Variants in CBLN2 observed in about 807,000 individuals in gnomAD.
The protein encoded by CBLN2 is cerebellin 2 precursor, also known as cerebellin-2.
CBLN2 carries 7 observed loss-of-function variants against 15.0 expected under a neutral mutation model. That is an observed-to-expected ratio of 0.47 (90% CI 0.27 to 0.88). CBLN2 has a LOEUF of 0.88. Ranked by LOEUF, CBLN2 falls within the 40% of genes least tolerant of loss-of-function variation. The pLI is 0.14. For synonymous variants in CBLN2, 149 were observed against 135.2 expected (o/e 1.10, Z -0.71); for missense variants, 242 against 304.5 (o/e 0.79, Z 1.53).
At position 72,543,171 on chromosome 18, in the gene CBLN2, C is replaced by A. The variant is rs1281455857; in HGVS notation, c.-167+315G>T. 5 of 261,922 alleles carry A rather than the reference C, an allele frequency of 1.9e-5. No homozygotes were observed. Among genetic ancestry groups the A allele is most frequent in the Admixed American group, 5.5e-5 (1 of 18,332 alleles). 16.2% of individuals were successfully genotyped at this position (261,922 alleles called of 1,614,324 possible). On this transcript the variant is annotated intron_variant, in intron 2 of 4. Coordinates refer to ENST00000269503, the MANE Select transcript of CBLN2 (RefSeq NM_182511.4). This position sits in a 1 kb window ranked among gnomAD's most constrained non-coding sequence, Gnocchi z 6.8. ...CCCTGCAGGTTTCTGCGAACTTACG[C>A]GCCCGTCTGCACTTTTGCCCCGTCC...
chr18:72,541,888 G>A lies in CBLN2; in HGVS notation c.273C>T (p.Ala91=). Reference sequence around the variant, plus strand: ...TCCGCGTGGCGGAGAAGGCCACCTTGGCGCTGCCGGAGCGCACGGAGATGC... The same window carrying A: ...TCCGCGTGGCGGAGAAGGCCACCTTAGCGCTGCCGGAGCGCACGGAGATGC... ...SLGISVRSGS[A]KVAFSATRST... Residue 91 remains alanine (A), a synonymous_variant, in exon 3 of 5, where the codon GCC becomes GCT. Coordinates refer to ENST00000269503, the MANE Select transcript of CBLN2 (RefSeq NM_182511.4). 1 of 1,607,226 alleles carries A rather than the reference G, an allele frequency of 6.2e-7. No homozygotes were observed.
intron 1 of CBLN2, among the ~76,000 whole-genome samples, chr18:72,567,723 C>T (rs9964576): frequency 0.059 from 9,031 of 152,130 alleles, 948 homozygotes; most frequent in East Asian, 0.51. Context: ...GATTACTCTC[C>T]GAACTCCAAA....
At chr18:72,614,581 C>T (rs1290853460) in intron 1 of CBLN2, among the ~76,000 whole-genome samples, 1 of 152,068 alleles carries the variant, frequency 6.6e-6, no homozygotes, top group Non-Finnish European at 1.5e-5. Context: ...AGACTTATTT[C>T]TAAGTACAAT....
chr18:72,604,072 C>T (rs990362635), intron 1 of CBLN2, among the ~76,000 whole-genome samples: 1 of 152,148 alleles, frequency 6.6e-6, no homozygotes, highest in African/African-American at 2.4e-5. Flanking sequence ...GTCTAGGAGA[C>T]AGTACTTCTC....
intron 1 of CBLN2, among the ~76,000 whole-genome samples, chr18:72,609,938 C>G (rs2069610480): frequency 6.6e-6 from 1 of 152,138 alleles, no homozygotes; most frequent in African/African-American, 2.4e-5. Context: ...GGTTGTCCTG[C>G]CACCTCTACG....
At chr18:72,608,254 T>C (rs1312583170) in intron 1 of CBLN2, among the ~76,000 whole-genome samples, 1 of 152,198 alleles carries the variant, frequency 6.6e-6, no homozygotes, top group African/African-American at 2.4e-5. Flanking sequence ...TACATTTCTG[T>C]TTTAGCCTCT....
chr18:72,564,969 G>C (rs1438669796), intron 1 of CBLN2, among the ~76,000 whole-genome samples: 6 of 152,314 alleles, frequency 3.9e-5, no homozygotes, highest in Admixed American at 1.3e-4. Flanking sequence ...AGCAGGAGCA[G>C]TTAGGAGAGA....
At chr18:72,637,156 C>A (rs1162719178) in intron 1 of CBLN2, among the ~76,000 whole-genome samples, 1 of 151,646 alleles carries the variant, frequency 6.6e-6, no homozygotes, top group Non-Finnish European at 1.5e-5. Context: ...AACTTAGCAA[C>A]TCTGAGAAAC....
intron 1 of CBLN2, among the ~76,000 whole-genome samples, chr18:72,576,885 A>G (rs1408772566): frequency 6.7e-6 from 1 of 148,886 alleles, no homozygotes; most frequent in Non-Finnish European, 1.5e-5. Context: ...TGACAAATAT[A>G]TATATAAAAT....
chr18:72,607,980 A>C (rs866501283), intron 1 of CBLN2, among the ~76,000 whole-genome samples: 4 of 152,204 alleles, frequency 2.6e-5, no homozygotes, highest in African/African-American at 9.7e-5. Context: ...ATTTAAAGGC[A>C]TATTACCTGA....
intron 1 of CBLN2, among the ~76,000 whole-genome samples, chr18:72,625,678 T>G (rs1038431127): frequency 8.1e-6 from 1 of 124,130 alleles, no homozygotes; most frequent in Non-Finnish European, 1.6e-5. Context: ...ATTATTATAG[T>G]ATTATTATAT....
exon 1 of CBLN2, chr18:72,638,346 A>G (rs1404047755): frequency 1.0e-5 from 4 of 398,412 alleles, no homozygotes; most frequent in Non-Finnish European, 1.8e-5. Flanking sequence ...CCATTCCAGT[A>G]CTCACAGAAA....
At chr18:72,608,252 T>C (rs2069597173) in intron 1 of CBLN2, among the ~76,000 whole-genome samples, 1 of 152,220 alleles carries the variant, frequency 6.6e-6, no homozygotes, top group Non-Finnish European at 1.5e-5. Context: ...TGTACATTTC[T>C]GTTTTAGCCT....
intron 1 of CBLN2, among the ~76,000 whole-genome samples, chr18:72,568,359 A>T (rs1229812904): frequency 3.3e-5 from 5 of 152,206 alleles, no homozygotes; most frequent in Non-Finnish European, 7.3e-5. Context: ...GCCGAGAAGC[A>T]TCATCAGCCA....
At chr18:72,540,058 C>A (rs1217806266) in intron 3 of CBLN2, 1 of 152,214 alleles carries the variant, frequency 6.6e-6, no homozygotes, top group African/African-American at 2.4e-5. Flanking sequence ...CAGCTCCACT[C>A]AAGGGCAGGA....
intron 1 of CBLN2, among the ~76,000 whole-genome samples, chr18:72,599,932 G>GC (rs1361182333): frequency 6.6e-6 from 1 of 152,190 alleles, no homozygotes; most frequent in Non-Finnish European, 1.5e-5. Flanking sequence ...GACTGAGTGA[G>GC]CTGGGATTCT....
At chr18:72,595,351 G>T (rs1308906935) in intron 1 of CBLN2, among the ~76,000 whole-genome samples, 1 of 151,862 alleles carries the variant, frequency 6.6e-6, no homozygotes. Flanking sequence ...AACTCCTCTT[G>T]TTATTGATTT....
intron 1 of CBLN2, among the ~76,000 whole-genome samples, chr18:72,627,020 ATTTT>A (rs2069744265): frequency 6.6e-6 from 1 of 152,154 alleles, no homozygotes; most frequent in African/African-American, 2.4e-5. Flanking sequence ...ACTCAACGTT[ATTTT>A]TGTGAGACAT....
intron 1 of CBLN2, among the ~76,000 whole-genome samples, chr18:72,613,608 T>G (rs1599023457): frequency 6.6e-6 from 1 of 152,008 alleles, no homozygotes; most frequent in South Asian, 2.1e-4. Context: ...AATGCTGGGG[T>G]CAGAAGGAGG....
Sources: gnomAD v4.1 joint callset for allele counts (sites outside exome capture counted in the v4.1 genomes callset) on GRCh38, gnomAD v4.1.1 for gene constraint, Gnocchi (gnomAD v3.1) non-coding constraint, MANE v1.5 for transcripts, NCBI Gene and HGNC (gene_info 2026-07-23, HGNC 2026-07-21) for gene names.